Variants in LMO7 observed in about 807,000 individuals in gnomAD.
LMO7 encodes the protein LIM domain only protein 7.
Under a neutral mutation model 206.5 loss-of-function variants are expected in LMO7, and 120 were observed. That is an observed-to-expected ratio of 0.58 (90% CI 0.50 to 0.68). The LOEUF (loss-of-function observed/expected upper bound fraction) is 0.68, where lower values mean the gene tolerates loss of function less well. LMO7 is among the 30% of genes least tolerant of loss of function. LMO7 has a pLI of 0.00. For synonymous variants in LMO7, 706 were observed against 681.5 expected (o/e 1.04, Z -0.56); for missense variants, 1,959 against 1,957.9 (o/e 1.00, Z -0.01).
Position 75,849,096 on chromosome 13 carries a change from G to T in LMO7, c.4168G>T (p.Asp1390Tyr). Residue 1390 changes from aspartate (D) to tyrosine (Y), a missense_variant, in exon 27 of 31, where the codon GAC becomes TAC. Asp to Tyr is a radical substitution (Grantham distance 160). Coordinates refer to ENST00000377534, the MANE Select transcript of LMO7 (RefSeq NM_001306080.2). ...TNKNGNNKYL[D>Y]QIGNMTSSQR... ...TAATTTAGGAAACAATAAATATTTAGACCAAATTGGGAACATGACCTCTTC... is the reference window on the plus strand; with the variant it reads ...TAATTTAGGAAACAATAAATATTTATACCAAATTGGGAACATGACCTCTTC... The T allele has an allele frequency of 6.2e-7, 1 of 1,602,386 alleles. No homozygotes were observed. Among genetic ancestry groups the T allele is most frequent in the South Asian group, 1.1e-5 (1 of 90,684 alleles).
chr13:75,763,097 T>C (rs747629759), intron 4 of LMO7, among the ~76,000 whole-genome samples: 1 of 152,174 alleles, frequency 6.6e-6, no homozygotes, highest in Non-Finnish European at 1.5e-5. Flanking sequence ...TTATTGTAGA[T>C]CAAAGGACTT....
chr13:75,742,062 G>A (rs1435638125), intron 3 of LMO7, among the ~76,000 whole-genome samples: 2 of 152,100 alleles, frequency 1.3e-5, no homozygotes, highest in Admixed American at 1.3e-4. Context: ...CAAAAATCTA[G>A]CATTCCTATA....
intron 3 of LMO7, among the ~76,000 whole-genome samples, chr13:75,739,220 C>T (rs949682492): frequency 6.6e-6 from 1 of 152,180 alleles, no homozygotes; most frequent in Non-Finnish European, 1.5e-5. Flanking sequence ...ATTTTAATTT[C>T]CCTTTGAAAA....
At chr13:75,834,195 C>T in intron 16 of LMO7, 31 bp from the exon 17 acceptor site, 4 of 1,518,662 alleles carry the variant, frequency 2.6e-6, no homozygotes, top group Admixed American at 2.0e-5. Context: ...GATTTTTTTC[C>T]CCAATTGGTT....
intron 1 of LMO7, among the ~76,000 whole-genome samples, chr13:75,711,046 A>G (rs1329183526): frequency 3.9e-5 from 6 of 152,250 alleles, no homozygotes; most frequent in Admixed American, 2.6e-4. Context: ...TTCTGCATCT[A>G]TTGAGATAAT....
At chr13:75,748,379 C>T (rs1265599903) in intron 3 of LMO7, among the ~76,000 whole-genome samples, 2 of 152,158 alleles carry the variant, frequency 1.3e-5, no homozygotes, top group African/African-American at 4.8e-5. Context: ...AATGTATGAC[C>T]TTGGGCAAGT....
intron 4 of LMO7, 99 bp downstream of exon 4, chr13:75,761,137 A>G: frequency 1.3e-6 from 1 of 763,198 alleles, no homozygotes; most frequent in Non-Finnish European, 2.1e-6. Flanking sequence ...ATTACAGAAA[A>G]ATTCTTCTGT....
intron 1 of LMO7, among the ~76,000 whole-genome samples, chr13:75,704,860 G>T (rs764895522): frequency 1.6e-4 from 25 of 152,096 alleles, no homozygotes; most frequent in Non-Finnish European, 3.2e-4. Context: ...AACAGTAAAG[G>T]GTGTGAAGAT....
At chr13:75,637,276 G>C (rs1366571277) in intron 1 of LMO7, among the ~76,000 whole-genome samples, 3 of 152,172 alleles carry the variant, frequency 2.0e-5, no homozygotes, top group Non-Finnish European at 4.4e-5. Context: ...CCGCATCCAA[G>C]CCCAGGGGGT....
chr13:75,678,350 G>A (rs909056087), intron 1 of LMO7, among the ~76,000 whole-genome samples: 4 of 152,138 alleles, frequency 2.6e-5, no homozygotes, highest in Admixed American at 1.3e-4. Context: ...GGTGTGAGAC[G>A]GTATCTCATT....
chr13:75,823,514 A>T, intron 14 of LMO7, 51 bp from the exon 15 acceptor site: 1 of 1,359,236 alleles, frequency 7.4e-7, no homozygotes, highest in Non-Finnish European at 1.0e-6. Flanking sequence ...TTTTAAAAAC[A>T]GAAATAAAGG....
intron 1 of LMO7, among the ~76,000 whole-genome samples, chr13:75,678,699 A>G (rs935072895): frequency 1.3e-5 from 2 of 152,222 alleles, no homozygotes; most frequent in Non-Finnish European, 2.9e-5. Context: ...TTTAAAAATA[A>G]TGTTCTAGTC....
intron 4 of LMO7, among the ~76,000 whole-genome samples, chr13:75,785,015 T>G (rs540848439): frequency 6.6e-6 from 1 of 152,154 alleles, no homozygotes; most frequent in Non-Finnish European, 1.5e-5. Flanking sequence ...TTTGTGAAAT[T>G]CTGTAGTGTG....
chr13:75,745,980 T>C (rs1372034577), intron 3 of LMO7, among the ~76,000 whole-genome samples: 1 of 152,150 alleles, frequency 6.6e-6, no homozygotes, highest in Admixed American at 6.6e-5. Context: ...TCAATATATA[T>C]CCGGTTGATC....
At chr13:75,808,318 C>A in intron 10 of LMO7, 119 bp downstream of exon 10, 1 of 1,177,630 alleles carries the variant, frequency 8.5e-7, no homozygotes, top group South Asian at 1.7e-5. Context: ...CATTTTGAAG[C>A]ATCCCGTAAA....
chr13:75,805,806 C>G (rs370569176), intron 9 of LMO7, 46 bp downstream of exon 9: 1 of 1,577,900 alleles, frequency 6.3e-7, no homozygotes, highest in East Asian at 2.2e-5. Context: ...TCATTCAGTA[C>G]CCCAGCTGGG....
At chr13:75,831,116 CA>C (rs1188137861) in intron 15 of LMO7, among the ~76,000 whole-genome samples, 1 of 151,974 alleles carries the variant, frequency 6.6e-6, no homozygotes, top group Non-Finnish European at 1.5e-5. Context: ...CTATTCTTAG[CA>C]GAGTTTTATT....
At position 75,807,918 on chromosome 13, in the gene LMO7, A is replaced by T; in HGVS notation, c.1635A>T (p.Glu545Asp). The T allele has an allele frequency of 6.2e-7, 1 of 1,613,848 alleles. No individual in the cohort carries two copies. The highest frequency in any genetic ancestry group is 8.5e-7 in the Non-Finnish European group (1 of 1,179,862). The change falls in exon 10 of 31, where the codon GAA becomes GAT. Residue 545 changes from glutamate (E) to aspartate (D), a missense_variant. Coordinates refer to ENST00000377534, the MANE Select transcript of LMO7 (RefSeq NM_001306080.2). ...PDRYHPVPFP[E>D]PWTLPPEIQA... is the part of the protein sequence containing the mutation. ...GATACCACCCAGTCCCTTTTCCCGA[A>T]CCCTGGACTCTTCCTCCAGAAATTC...
At chr13:75,794,057 T>A (rs531064992) in intron 4 of LMO7, among the ~76,000 whole-genome samples, 1 of 152,244 alleles carries the variant, frequency 6.6e-6, no homozygotes, top group East Asian at 1.9e-4. Flanking sequence ...TCCATTATAA[T>A]GTTAAGGACA....
Sources: gnomAD v4.1 joint callset for allele counts (sites outside exome capture counted in the v4.1 genomes callset) on GRCh38, gnomAD v4.1.1 for gene constraint, MANE v1.5 for transcripts, NCBI Gene and HGNC (gene_info 2026-07-23, HGNC 2026-07-21) for gene names.